Variants in HECTD4 observed in about 807,000 individuals in gnomAD.
HECTD4 encodes the protein HECT domain E3 ubiquitin protein ligase 4, also known as probable E3 ubiquitin-protein ligase HECTD4.
In HECTD4, 114 loss-of-function variants were observed where a neutral mutation model predicts 471.5. The ratio of observed to expected loss-of-function variants is 0.24; its 90% CI spans 0.21 to 0.28. HECTD4 has a LOEUF of 0.28. Among genes scored for constraint, HECTD4 ranks in the 10% least tolerant of loss-of-function variants. The pLI is 1.00. For synonymous variants in HECTD4, 2,012 were observed against 2,256.0 expected (o/e 0.89, Z 3.07); for missense variants, 3,866 against 5,651.5 (o/e 0.68, Z 10.13).
intron 50 of HECTD4, among the ~76,000 whole-genome samples, chr12:112,209,379 T>C (rs528833002): frequency 6.6e-6 from 1 of 150,388 alleles, no homozygotes; most frequent in Non-Finnish European, 1.5e-5. Context: ...CAGGCTGGAG[T>C]GCAATGGCAC....
At chr12:112,185,558 C>G (rs1276269243) in intron 60 of HECTD4, 65 bp from the exon 61 acceptor site, 2 of 1,287,522 alleles carry the variant, frequency 1.6e-6, no homozygotes, top group East Asian at 2.4e-5. Context: ...AGGCGCAGTT[C>G]TGAGCCTGGA....
chr12:112,375,385 C>T (rs952050202), intron 1 of HECTD4, among the ~76,000 whole-genome samples: 3 of 151,996 alleles, frequency 2.0e-5, no homozygotes, highest in East Asian at 1.9e-4. Context: ...TGGTGTGGGG[C>T]GGGGTGGAGA....
At chr12:112,242,676 C>T (rs954012975) in intron 32 of HECTD4, among the ~76,000 whole-genome samples, 10 of 149,756 alleles carry the variant, frequency 6.7e-5, no homozygotes, top group Non-Finnish European at 1.3e-4. Flanking sequence ...TTGGGGGGGC[C>T]GAGGCAGGCA....
intron 45 of HECTD4, 23 bp downstream of exon 45, chr12:112,219,363 G>A (rs759582961): frequency 1.3e-5 from 20 of 1,575,078 alleles, no homozygotes; most frequent in African/African-American, 5.4e-5. Context: ...TGCAGGAGGC[G>A]CGAAGCACCG....
intron 55 of HECTD4, among the ~76,000 whole-genome samples, chr12:112,196,773 G>A (rs1206141650): frequency 1.3e-5 from 2 of 151,932 alleles, no homozygotes; most frequent in Non-Finnish European, 2.9e-5. Flanking sequence ...TCTTATTTTT[G>A]TAGAGACACG....
At chr12:112,273,859 C>G in intron 10 of HECTD4, 64 bp from the exon 11 acceptor site, 1 of 1,568,186 alleles carries the variant, frequency 6.4e-7, no homozygotes, top group Non-Finnish European at 8.7e-7. Flanking sequence ...ATATTTCTCA[C>G]AAGCACTGCT....
At chr12:112,187,852 T>G (rs1383412329) in intron 60 of HECTD4, among the ~76,000 whole-genome samples, 1 of 147,190 alleles carries the variant, frequency 6.8e-6, no homozygotes, top group African/African-American at 2.5e-5. Context: ...GGTCTTGATC[T>G]CCTGACCTCG....
chr12:112,325,947 C>A (rs1381105433), intron 1 of HECTD4, among the ~76,000 whole-genome samples: 3 of 151,964 alleles, frequency 2.0e-5, no homozygotes, highest in African/African-American at 7.2e-5. Context: ...CAGGCCTGCA[C>A]CACCACACTC....
In HECTD4 at chr12:112,164,092, C is replaced by T; in HGVS notation, c.12701+17G>A. The T allele has an allele frequency of 6.7e-7, 1 of 1,483,006 alleles. No individual in the cohort carries two copies. 91.9% of individuals were successfully genotyped at this position (1,483,006 alleles called of 1,614,324 possible). On this transcript the variant is annotated intron_variant, in intron 73 of 75. Coordinates refer to ENST00000682272, the MANE Select transcript of HECTD4 (RefSeq NM_001388303.1). ...CGGGCCAGCCCCTGCCAGCCCCTGA[C>T]ACGCGCACACACTCACGCCACAAGG...
chr12:112,331,048 G>GT (rs1343402344), intron 1 of HECTD4, among the ~76,000 whole-genome samples: 4 of 151,936 alleles, frequency 2.6e-5, no homozygotes, highest in Non-Finnish European at 4.4e-5. Context: ...CTAGGCATCG[G>GT]TTTTTTTGTT....
chr12:112,365,802 C>T (rs185527023), intron 1 of HECTD4, among the ~76,000 whole-genome samples: 21 of 145,980 alleles, frequency 1.4e-4, no homozygotes, highest in African/African-American at 5.1e-4. Flanking sequence ...GACAGGGTCT[C>T]CCTGTGTTGC....
At chr12:112,321,199 G>A (rs142294469) in intron 1 of HECTD4, among the ~76,000 whole-genome samples, 134 of 152,256 alleles carry the variant, frequency 8.8e-4, no homozygotes, top group Non-Finnish European at 1.5e-3. Flanking sequence ...ACATGGTAGA[G>A]ATTTATCCAA....
Position 112,237,488 on chromosome 12 carries a change from T to C in HECTD4, c.5291-390A>G, listed in dbSNP as rs545244187. ...CCATAGTTCCAGAACCTCCCAAGCA[T>C]GTAAAAGTTATGAAAAAGTATTTGT... On this transcript the variant is annotated intron_variant, in intron 34 of 75. Transcript: ENST00000682272. Among the ~76,000 whole-genome samples the C allele has an allele frequency of 5.9e-5, 9 of 152,338 alleles. No homozygotes were observed. In the South Asian group the frequency reaches 1.7e-3, roughly 28 times the overall value.
intron 59 of HECTD4, among the ~76,000 whole-genome samples, chr12:112,191,175 G>A (rs777803194): frequency 5.3e-5 from 8 of 152,210 alleles, no homozygotes; most frequent in Non-Finnish European, 5.9e-5. Context: ...CAGGGAGTCC[G>A]CTTACTGGGG....
At chr12:112,372,510 C>T (rs1460554532) in intron 1 of HECTD4, among the ~76,000 whole-genome samples, 1 of 12,134 alleles carries the variant, frequency 8.2e-5, no homozygotes, top group Non-Finnish European at 1.3e-4. Flanking sequence ...ATCCGCCCAC[C>T]TGACCTCGTG....
chr12:112,380,015 A>G (rs190724045), intron 1 of HECTD4, among the ~76,000 whole-genome samples: 1 of 152,258 alleles, frequency 6.6e-6, no homozygotes, highest in Admixed American at 6.5e-5. Context: ...CACGCAATAC[A>G]TTTATAAACA....
At chr12:112,260,968 A>G (rs2034133445) in intron 18 of HECTD4, among the ~76,000 whole-genome samples, 1 of 152,144 alleles carries the variant, frequency 6.6e-6, no homozygotes, top group South Asian at 2.1e-4. Context: ...AAAAGTCTTT[A>G]TCATGAGGAA....
chr12:112,369,230 G>C (rs918623917), intron 1 of HECTD4, among the ~76,000 whole-genome samples: 1 of 152,150 alleles, frequency 6.6e-6, no homozygotes, highest in Non-Finnish European at 1.5e-5. Context: ...GAAAACTCTG[G>C]CTTCTTTGGC....
At chr12:112,248,005 CAG>C in intron 27 of HECTD4, 60 bp downstream of exon 27, 3 of 1,112,262 alleles carry the variant, frequency 2.7e-6, no homozygotes, top group East Asian at 2.5e-5. Flanking sequence ...CACACACACA[CAG>C]TATATACCTT....
Sources: gnomAD v4.1 joint callset for allele counts (sites outside exome capture counted in the v4.1 genomes callset) on GRCh38, gnomAD v4.1.1 for gene constraint, MANE v1.5 for transcripts, NCBI Gene and HGNC (gene_info 2026-07-23, HGNC 2026-07-21) for gene names.